The following SLC24A2 variants were observed in gnomAD, a reference collection of about 807,000 sequenced individuals.
SLC24A2 encodes the protein solute carrier family 24 member 2, also known as sodium/potassium/calcium exchanger 2.
SLC24A2 carries 36 observed loss-of-function variants against 62.0 expected under a neutral mutation model. The ratio of observed to expected loss-of-function variants is 0.58; its 90% CI spans 0.44 to 0.77. The LOEUF is 0.77. Among genes scored for constraint, SLC24A2 ranks in the 30% least tolerant of loss-of-function variants. SLC24A2 has a pLI of 0.00. For synonymous variants in SLC24A2, 358 were observed against 294.0 expected, an observed-to-expected ratio of 1.22 and a Z score of -2.23; for missense variants, 846 against 817.9, an observed-to-expected ratio of 1.03 and a Z score of -0.42.
the SLC24A2 span, among the ~76,000 whole-genome samples, chr9:20,239,087 C>A: frequency 3.3e-5 from 5 of 152,192 alleles, no homozygotes; most frequent in African/African-American, 1.2e-4. Context: ...TTAAGCCACT[C>A]AGTCTGTGGC....
the SLC24A2 span, among the ~76,000 whole-genome samples, chr9:19,984,422 C>G: frequency 6.6e-6 from 1 of 152,038 alleles, no homozygotes; most frequent in Non-Finnish European, 1.5e-5. Context: ...AAAATAAACC[C>G]AGGCCAGGCA....
chr9:19,964,735 G>T, the SLC24A2 span, among the ~76,000 whole-genome samples: 1 of 152,198 alleles, frequency 6.6e-6, no homozygotes, highest in African/African-American at 2.4e-5. Flanking sequence ...GCACAGGTGT[G>T]TGGGGCTGCT....
At chr9:19,783,382 T>A (rs1055484697) in intron 2 of SLC24A2, among the ~76,000 whole-genome samples, 1 of 152,206 alleles carries the variant, frequency 6.6e-6, no homozygotes, top group South Asian at 2.1e-4. Flanking sequence ...GTACAGCACA[T>A]TCCTCTCTAG....
At chr9:20,235,819 C>T in the SLC24A2 span, among the ~76,000 whole-genome samples, 4 of 152,216 alleles carry the variant, frequency 2.6e-5, no homozygotes, top group South Asian at 2.1e-4. Flanking sequence ...TCTTCTGTGT[C>T]GCTCACGCTG....
the SLC24A2 span, among the ~76,000 whole-genome samples, chr9:20,180,400 G>A: frequency 1.1e-4 from 16 of 152,096 alleles, no homozygotes; most frequent in African/African-American, 2.2e-4. Flanking sequence ...TCTGTTACCC[G>A]TCTTTGTAAT....
intron 2 of SLC24A2, among the ~76,000 whole-genome samples, chr9:19,718,294 T>TC (rs1820921153): frequency 8.0e-6 from 1 of 125,422 alleles, no homozygotes; most frequent in Admixed American, 7.9e-5. Flanking sequence ...CTTTTTTTTT[T>TC]TTTTTTTTTT....
chr9:19,863,905 T>C, the SLC24A2 span, among the ~76,000 whole-genome samples: 1 of 151,798 alleles, frequency 6.6e-6, no homozygotes, highest in Non-Finnish European at 1.5e-5. Context: ...CAAAAAGTTG[T>C]TTTTTTAAAA....
the SLC24A2 span, among the ~76,000 whole-genome samples, chr9:20,097,185 T>C: frequency 6.6e-6 from 1 of 152,310 alleles, no homozygotes; most frequent in South Asian, 2.1e-4. Flanking sequence ...TACCTGCCTC[T>C]TGCCCAGTTC....
chr9:19,845,617 T>C, the SLC24A2 span, among the ~76,000 whole-genome samples: 325 of 152,268 alleles, frequency 2.1e-3, 2 homozygotes, highest in Non-Finnish European at 3.7e-3. Context: ...TTTTGGTTAT[T>C]TCTTTTCTTC....
chr9:19,525,391 C>CT (rs572919824), intron 9 of SLC24A2, among the ~76,000 whole-genome samples: 1,606 of 76,290 alleles, frequency 0.021, 74 homozygotes, highest in South Asian at 0.033. Context: ...TATTTCTTTA[C>CT]TTTTTTTTTT....
the SLC24A2 span, among the ~76,000 whole-genome samples, chr9:20,116,531 T>C: frequency 7.9e-5 from 12 of 152,194 alleles, no homozygotes; most frequent in Admixed American, 2.0e-4. Flanking sequence ...TGGGCTTTCA[T>C]AGCATCCTGT....
intron 2 of SLC24A2, among the ~76,000 whole-genome samples, chr9:19,704,804 T>TC (rs1410569505): frequency 6.6e-6 from 1 of 151,920 alleles, no homozygotes; most frequent in East Asian, 1.9e-4. Context: ...CAAACTTTTT[T>TC]TTTTTTTTTT....
In SLC24A2 at chr9:19,516,327, G is replaced by A. The variant is rs766038636; in HGVS notation, c.1812C>T (p.Phe604=). Residue 604 remains phenylalanine, a synonymous_variant, in exon 11 of 11, where the codon TTC becomes TTT. Coordinates refer to ENST00000341998, the MANE Select transcript of SLC24A2 (RefSeq NM_020344.4). ...TGATGAAGAGAAGGACGATGGCACA[G>A]AAAAGGCCATTGCTGCTGACAGCCA... is the stretch of plus-strand genomic sequence containing the variant. ...QPVAVSSNGL[F]CAIVLLFIML... is the part of the protein sequence containing the mutation. 3 of 1,614,208 alleles carry A rather than the reference G, an allele frequency of 1.9e-6. No individual in the cohort carries two copies. In the South Asian group the frequency reaches 3.3e-5, roughly 18 times the overall value.
chr9:19,715,056 A>G (rs1820820165), intron 2 of SLC24A2, among the ~76,000 whole-genome samples: 1 of 152,082 alleles, frequency 6.6e-6, no homozygotes, highest in African/African-American at 2.4e-5. Flanking sequence ...CCTTACCACC[A>G]CCACCACCAC....
chr9:19,905,550 A>C, the SLC24A2 span, among the ~76,000 whole-genome samples: 1 of 151,986 alleles, frequency 6.6e-6, no homozygotes, highest in Non-Finnish European at 1.5e-5. Flanking sequence ...CTGGGGTTAG[A>C]TTACAGGCAT....
At chr9:19,923,242 C>T in the SLC24A2 span, among the ~76,000 whole-genome samples, 4 of 152,100 alleles carry the variant, frequency 2.6e-5, no homozygotes, top group African/African-American at 9.7e-5. Flanking sequence ...CACCCAAGGA[C>T]TTACCATACT....
chr9:19,762,859 G>C (rs1461061594), intron 2 of SLC24A2, among the ~76,000 whole-genome samples: 1 of 143,468 alleles, frequency 7.0e-6, no homozygotes, highest in Non-Finnish European at 1.5e-5. Context: ...TGTGAAGAAA[G>C]TCAATGGTAG....
intron 9 of SLC24A2, among the ~76,000 whole-genome samples, chr9:19,523,843 C>T (rs1026768533): frequency 6.6e-6 from 1 of 152,170 alleles, no homozygotes; most frequent in Non-Finnish European, 1.5e-5. Flanking sequence ...GCAGCAGGAA[C>T]AGAAGTGGGC....
chr9:19,563,082 G>T (rs1007390012), intron 7 of SLC24A2, among the ~76,000 whole-genome samples: 8 of 152,090 alleles, frequency 5.3e-5, no homozygotes, highest in Admixed American at 2.0e-4. Flanking sequence ...CTCCAGCCTG[G>T]GTGATGGTGC....
Sources: allele counts gnomAD v4.1 joint callset (sites outside exome capture counted in the v4.1 genomes callset), GRCh38; gene constraint gnomAD v4.1.1; transcripts MANE v1.5; gene names NCBI Gene and HGNC (gene_info 2026-07-23, HGNC 2026-07-21).